The following RMDN2 variants were observed in gnomAD, a reference collection of about 807,000 sequenced individuals.
RMDN2 encodes the protein regulator of microtubule dynamics 2, also known as regulator of microtubule dynamics protein 2.
RMDN2 carries 61 observed loss-of-function variants against 52.8 expected under a neutral mutation model. That is an observed-to-expected ratio of 1.16 (90% CI 0.94 to 1.43). RMDN2 has a LOEUF of 1.43. RMDN2 is among the 40% of genes most tolerant of loss of function. The probability of loss-of-function intolerance (pLI) is 0.00; values close to 1 mark genes in which losing one functional copy is unlikely to be tolerated. For synonymous variants in RMDN2, 180 were observed against 153.1 expected, an observed-to-expected ratio of 1.18 and a Z score of -1.30; for missense variants, 592 against 475.3, an observed-to-expected ratio of 1.25 and a Z score of -2.28.
intron 5 of RMDN2, among the ~76,000 whole-genome samples, chr2:37,987,630 A>G (rs1674205028): frequency 1.3e-5 from 2 of 152,232 alleles, no homozygotes; most frequent in African/African-American, 4.8e-5. Flanking sequence ...GTCATTATAC[A>G]TTTGTCAAAA....
Position 37,989,441 on chromosome 2 carries a change from A to T in RMDN2, c.792-100A>T, listed in dbSNP as rs1219631107. On this transcript the variant is annotated intron_variant, in intron 5 of 10. Transcript: ENST00000354545. The stretch of plus-strand genomic sequence containing the variant: ...TATATGAATACTCCTGTTAAATATG[A>T]ATGAATGCTTTAGAGTTTCTTTTAA... 5 of 750,852 alleles carry T rather than the reference A, an allele frequency of 6.7e-6. No individual in the cohort carries two copies. In the East Asian group the frequency reaches 1.2e-4, roughly 19 times the overall value. The allele number at this position is 750,852 out of a possible 1,614,324, so 46.5% of individuals were successfully genotyped here.
chr2:37,966,529 G>A (rs527419510), intron 2 of RMDN2, among the ~76,000 whole-genome samples: 1 of 152,078 alleles, frequency 6.6e-6, no homozygotes, highest in South Asian at 2.1e-4. Flanking sequence ...TCTCCTTCTG[G>A]AACCCCTACA....
At chr2:37,997,550 T>G (rs1675732259) in intron 8 of RMDN2, 36 bp downstream of exon 8, 1 of 1,306,390 alleles carries the variant, frequency 7.7e-7, no homozygotes, top group Non-Finnish European at 1.1e-6. Flanking sequence ...AGTGTCAGAC[T>G]GATTACCATC....
At position 38,017,439 on chromosome 2, in the gene RMDN2, A is replaced by T; in HGVS notation, c.*200A>T. On this transcript the variant is annotated 3_prime_UTR_variant, in exon 11 of 11. Transcript: ENST00000354545. The stretch of plus-strand genomic sequence containing the variant: ...TTATTTGGAGAATCTATATACTATA[A>T]TGTCAATACATAATCTATAAACATG... 2.5e-6 allele frequency: 3 copies of T among 1,217,446 alleles called. No individual in the cohort carries two copies. The highest frequency in any genetic ancestry group is 3.3e-6 in the Non-Finnish European group (3 of 922,814). The allele number at this position is 1,217,446 out of a possible 1,614,324, so 75.4% of individuals were successfully genotyped here. A position where few individuals can be genotyped will look rare whatever the true frequency, so the allele number is the denominator to read the frequency against.
At chr2:37,957,829 A>G (rs552264335) in intron 2 of RMDN2, among the ~76,000 whole-genome samples, 42 of 152,170 alleles carry the variant, frequency 2.8e-4, no homozygotes, top group African/African-American at 8.2e-4. Flanking sequence ...TGTATAAGGT[A>G]TAAGGAAGGG....
At chr2:38,043,232 A>G (rs1301522866) in intron 10 of RMDN2, among the ~76,000 whole-genome samples, 1 of 152,138 alleles carries the variant, frequency 6.6e-6, no homozygotes, top group African/African-American at 2.4e-5. Context: ...GTCCCCTTTA[A>G]AATTATGTAG....
At chr2:38,057,982 T>C (rs1681907675) in intron 10 of RMDN2, among the ~76,000 whole-genome samples, 1 of 152,210 alleles carries the variant, frequency 6.6e-6, no homozygotes, top group Non-Finnish European at 1.5e-5. Context: ...TATTTCTTCA[T>C]AGGACTGTGA....
intron 10 of RMDN2, among the ~76,000 whole-genome samples, chr2:38,007,263 T>G (rs1677241062): frequency 6.6e-6 from 1 of 152,208 alleles, no homozygotes; most frequent in Non-Finnish European, 1.5e-5. Context: ...TTGATTGGAA[T>G]AGTTTCAGAA....
At chr2:38,060,632 C>T (rs897678321) in intron 10 of RMDN2, among the ~76,000 whole-genome samples, 1 of 152,152 alleles carries the variant, frequency 6.6e-6, no homozygotes, top group African/African-American at 2.4e-5. Context: ...AAGCTCAGAG[C>T]ATCCTGGGAT....
At chr2:38,031,759 TC>T (rs1208927561) in intron 10 of RMDN2, among the ~76,000 whole-genome samples, 3 of 152,284 alleles carry the variant, frequency 2.0e-5, no homozygotes, top group African/African-American at 7.2e-5. Context: ...TCATTTGACC[TC>T]CCTTCTCAGT....
At chr2:37,950,336 C>A (rs1276943220) in intron 2 of RMDN2, 2 of 975,342 alleles carry the variant, frequency 2.1e-6, no homozygotes, top group Non-Finnish European at 3.0e-6. Flanking sequence ...GGTAGAAACA[C>A]ATTCCACAGC....
intron 4 of RMDN2, 26 bp downstream of exon 4, chr2:37,975,340 C>G (rs756654941): frequency 1.5e-6 from 2 of 1,300,978 alleles, no homozygotes; most frequent in East Asian, 2.3e-5. Flanking sequence ...AGATTATTCT[C>G]AAGTAGCAAT....
intron 10 of RMDN2, among the ~76,000 whole-genome samples, chr2:38,042,019 T>C (rs1680984131): frequency 6.6e-6 from 1 of 152,124 alleles, no homozygotes; most frequent in South Asian, 2.1e-4. Context: ...TGCAGAAAAT[T>C]GGTATAATTT....
intron 8 of RMDN2, among the ~76,000 whole-genome samples, chr2:37,998,596 A>G (rs1474081259): frequency 6.6e-6 from 1 of 152,138 alleles, no homozygotes; most frequent in Non-Finnish European, 1.5e-5. Context: ...GTTTTGTAGA[A>G]CTGAGAGGGA....
chr2:37,931,506 TGA>T (rs1666741330), intron 2 of RMDN2, among the ~76,000 whole-genome samples: 1 of 152,184 alleles, frequency 6.6e-6, no homozygotes, highest in South Asian at 2.1e-4. Context: ...TCTGCTAGAC[TGA>T]GAGGAAAAAT....
At chr2:37,998,893 C>A (rs544585943) in intron 8 of RMDN2, among the ~76,000 whole-genome samples, 9 of 152,280 alleles carry the variant, frequency 5.9e-5, no homozygotes, top group Admixed American at 2.0e-4. Flanking sequence ...AAGGCTAAGA[C>A]TGTATCACTC....
At chr2:38,041,103 G>A (rs1370569884) in intron 10 of RMDN2, among the ~76,000 whole-genome samples, 1 of 152,122 alleles carries the variant, frequency 6.6e-6, no homozygotes, top group Non-Finnish European at 1.5e-5. Flanking sequence ...GGAGGTTTGG[G>A]TTCATTTTGG....
chr2:38,036,171 T>C (rs1161726722), intron 10 of RMDN2: 3 of 152,178 alleles, frequency 2.0e-5, no homozygotes, highest in Non-Finnish European at 4.4e-5. Flanking sequence ...CCGTGATATG[T>C]CACCCAGGAG....
intron 2 of RMDN2, among the ~76,000 whole-genome samples, chr2:37,934,611 G>C (rs113635579): frequency 6.6e-6 from 1 of 152,048 alleles, no homozygotes; most frequent in Admixed American, 6.5e-5. Context: ...GGCAGCATCA[G>C]TTTCTTTCAG....
Sources: gnomAD v4.1 joint callset for allele counts (sites outside exome capture counted in the v4.1 genomes callset) on GRCh38, gnomAD v4.1.1 for gene constraint, MANE v1.5 for transcripts, NCBI Gene and HGNC (gene_info 2026-07-23, HGNC 2026-07-21) for gene names.